B4GALNT3: variants seen among roughly 807,000 people sequenced by gnomAD.
B4GALNT3 encodes the protein beta-1,4-N-acetylgalactosaminyltransferase 3.
Under a neutral mutation model 120.2 loss-of-function variants are expected in B4GALNT3, and 86 were observed. The ratio of observed to expected loss-of-function variants is 0.72; its 90% CI spans 0.60 to 0.86. B4GALNT3 has a LOEUF of 0.86. Among genes scored for constraint, B4GALNT3 ranks in the 40% least tolerant of loss-of-function variants. The pLI, the probability that B4GALNT3 is intolerant of heterozygous loss-of-function variation, is 0.00. For missense variants in B4GALNT3, 1,167 were observed against 1,298.9 expected, an observed-to-expected ratio of 0.90 and a Z score of 1.56; for synonymous variants, 518 against 510.4, an observed-to-expected ratio of 1.01 and a Z score of -0.20.
chr12:549,207 C>G (rs953520383), intron 9 of B4GALNT3, among the ~76,000 whole-genome samples: 1 of 152,128 alleles, frequency 6.6e-6, no homozygotes, highest in African/African-American at 2.4e-5. Context: ...CCCCCCACCC[C>G]CCTTCTCTGT....
At chr12:507,974 T>C (rs1446730238) in intron 1 of B4GALNT3, among the ~76,000 whole-genome samples, 1 of 152,172 alleles carries the variant, frequency 6.6e-6, no homozygotes, top group African/African-American at 2.4e-5. Flanking sequence ...GGAAATCCAG[T>C]AGTAGCTTGG....
rs766154803 is a variant in B4GALNT3 at position 558,549 on chromosome 12, C to T, written c.2649C>T (p.His883=). 9 of 1,614,184 alleles carry T rather than the reference C, an allele frequency of 5.6e-6. No homozygotes were observed. Among genetic ancestry groups the T allele is most frequent in the Non-Finnish European group, 6.8e-6 (8 of 1,180,004 alleles). ...TCTTCCTCTGTGACCTCCACATCCA[C>T]TTCCCAGCTGGAGTCATCGATGCCA... ...SIIFLCDLHI[H]FPAGVIDAIR... The change falls in exon 18 of 20, where the codon CAC becomes CAT. Residue 883 remains histidine, a synonymous_variant. Coordinates refer to ENST00000266383, the MANE Select transcript of B4GALNT3 (RefSeq NM_173593.4).
chr12:509,621 A>AG (rs1356653533), intron 1 of B4GALNT3, among the ~76,000 whole-genome samples: 1 of 152,158 alleles, frequency 6.6e-6, no homozygotes, highest in Admixed American at 6.5e-5. Context: ...ATGCCTGGGT[A>AG]GGGGGGTGGC....
intron 10 of B4GALNT3, 40 bp downstream of exon 10, chr12:549,952 A>C: frequency 1.9e-6 from 3 of 1,566,266 alleles, no homozygotes; most frequent in Non-Finnish European, 2.6e-6. Context: ...TTCTGGGGAC[A>C]CTGCACTGCC....
intron 19 of B4GALNT3, among the ~76,000 whole-genome samples, chr12:560,638 T>C (rs571029348): frequency 2.6e-5 from 4 of 152,124 alleles, no homozygotes; most frequent in Non-Finnish European, 5.9e-5. Flanking sequence ...GGGTCTGAGA[T>C]CAAAGGAGCC....
At chr12:515,871 C>T (rs560715945) in intron 1 of B4GALNT3, among the ~76,000 whole-genome samples, 38 of 152,246 alleles carry the variant, frequency 2.5e-4, no homozygotes, top group African/African-American at 8.2e-4. Context: ...GGCACAGTGG[C>T]TCATGCCTGT....
Position 550,797 on chromosome 12 carries a change from C to A in B4GALNT3, c.998-125C>A. 1.3e-6 allele frequency: 1 copy of A among 762,120 alleles called. No individual in the cohort carries two copies. Among genetic ancestry groups the A allele is most frequent in the Non-Finnish European group, 2.1e-6 (1 of 470,886 alleles). The allele number at this position is 762,120 out of a possible 1,614,324, so 47.2% of individuals were successfully genotyped here. On this transcript the variant is annotated intron_variant, in intron 10 of 19. Transcript: ENST00000266383. This position sits in a 1 kb window ranked among gnomAD's most constrained non-coding sequence, Gnocchi z 4.1. ...GCAGCCTCCAGCTGGCAGCCTCAGC[C>A]ACAGACGTCGGCAGAACACAGCTGC...
At chr12:474,589 TAGG>T (rs1447379942) in intron 1 of B4GALNT3, among the ~76,000 whole-genome samples, 2 of 151,916 alleles carry the variant, frequency 1.3e-5, no homozygotes, top group African/African-American at 4.8e-5. Flanking sequence ...GAGACTAAGG[TAGG>T]AGGATGGCTT....
chr12:502,654 G>A (rs1208601675), intron 1 of B4GALNT3, among the ~76,000 whole-genome samples: 2 of 152,234 alleles, frequency 1.3e-5, no homozygotes, highest in Non-Finnish European at 2.9e-5. Flanking sequence ...GCAGTGAGTG[G>A]TGTTCTTAGC....
chr12:520,835 C>T (rs1388888741), intron 1 of B4GALNT3, among the ~76,000 whole-genome samples: 1 of 152,236 alleles, frequency 6.6e-6, no homozygotes, highest in African/African-American at 2.4e-5. Flanking sequence ...CTTTCAAAGG[C>T]TCTGACTGTT....
Position 460,498 on chromosome 12 carries a change from T to C in B4GALNT3, c.122T>C (p.Leu41Pro). 1 of 1,584,532 alleles carries C rather than the reference T, an allele frequency of 6.3e-7. No homozygotes were observed. Among genetic ancestry groups the C allele is most frequent in the South Asian group, 1.1e-5 (1 of 87,156 alleles). Reference protein sequence around the residue: ...VVSVGLWTLYLELVASAQVGG... With the variant: ...VVSVGLWTLYPELVASAQVGG... Reference sequence around the variant, plus strand: ...TCTGTGGGGCTCTGGACTCTGTATCTGGAACTGGTGGCGTCGGCCCAGGTC... The same window carrying C: ...TCTGTGGGGCTCTGGACTCTGTATCCGGAACTGGTGGCGTCGGCCCAGGTC... Residue 41 changes from leucine to proline, a missense_variant, in exon 1 of 20, where the codon CTG becomes CCG. Around this residue, in one of 3 missense-constraint regions of B4GALNT3, gnomAD observed 171 missense variants for 161.3 expected, o/e 1.06. Transcript: ENST00000266383. The surrounding 1 kb of genome is among the most constrained non-coding windows in gnomAD (Gnocchi z 8.0).
Position 556,698 on chromosome 12 carries a change from G to A in B4GALNT3, c.2212G>A (p.Asp738Asn), listed in dbSNP as rs923034780. The change falls in exon 15 of 20, where the codon GAT becomes AAT. Residue 738 changes from aspartate to asparagine, a missense_variant. Asp to Asn is a conservative substitution (Grantham distance 23). Around this residue, in one of 3 missense-constraint regions of B4GALNT3, gnomAD observed 983 missense variants for 1,102.5 expected, o/e 0.89. Coordinates refer to ENST00000266383, the MANE Select transcript of B4GALNT3 (RefSeq NM_173593.4). Reference protein sequence around the residue: ...YVSARGWQGIDPAGGEEVEAR... With the variant: ...YVSARGWQGINPAGGEEVEAR... ...GTCTGCACGAGGCTGGCAGGGCATC[G>A]ATCCAGCTGGTGGGGAGGAGGTCGA... 14 of 1,613,756 alleles carry A rather than the reference G, an allele frequency of 8.7e-6. No homozygotes were observed. The highest frequency in any genetic ancestry group is 5.0e-5 in the Admixed American group (3 of 60,000).
In B4GALNT3 at chr12:499,667, A is replaced by AGAACACT. The variant is rs11280541; in HGVS notation, c.170-35499_170-35498insGAACACT. On this transcript the variant is annotated intron_variant, in intron 1 of 19. Transcript: ENST00000266383. Reference sequence around the variant, plus strand: ...CGTGGAGCCCGTGCTCTCACTATCTACTAGCCCGTGGAGCCCGTGCTCTCA... The same window carrying AGAACACT: ...CGTGGAGCCCGTGCTCTCACTATCTAGAACACTCTAGCCCGTGGAGCCCGTGCTCTCA... 6.1e-4 allele frequency among the ~76,000 whole-genome samples: 49 copies of AGAACACT among 79,714 alleles called. 5 individuals are homozygous for AGAACACT. The highest frequency in any genetic ancestry group is 3.0e-3 in the Admixed American group (17 of 5,686). 52.3% of individuals were successfully genotyped at this position (79,714 alleles called of 152,430 possible). A position where few individuals can be genotyped will look rare whatever the true frequency, so the allele number is the denominator to read the frequency against.
At chr12:531,744 C>G (rs1946810207) in intron 1 of B4GALNT3, among the ~76,000 whole-genome samples, 1 of 152,084 alleles carries the variant, frequency 6.6e-6, no homozygotes, top group South Asian at 2.1e-4. Context: ...CTCCCAAATC[C>G]AAAACCTCAA....
At chr12:496,607 TAAAA>T (rs1385459923) in intron 1 of B4GALNT3, among the ~76,000 whole-genome samples, 1 of 151,830 alleles carries the variant, frequency 6.6e-6, no homozygotes, top group Non-Finnish European at 1.5e-5. Context: ...TCAAAAAAAA[TAAAA>T]AAATAAAGTG....
rs1014454928 is a variant in B4GALNT3, at chr12:543,145, G to A, written c.352-1194G>A. 3.1e-6 allele frequency: 4 copies of A among 1,289,518 alleles called. No homozygotes were observed. The African/African-American group carries it at 6.1e-5, about 20-fold the overall frequency. The allele number at this position is 1,289,518 out of a possible 1,614,324, so 79.9% of individuals were successfully genotyped here. A position where few individuals can be genotyped will look rare whatever the true frequency, so the allele number is the denominator to read the frequency against. ...GTCCAGGGAGAGTATGTGTGTGTGT[G>A]TGCATGGCCAGAGCAGACCTTGTCC... On this transcript the variant is annotated intron_variant, in intron 3 of 19. Coordinates refer to ENST00000266383, the MANE Select transcript of B4GALNT3 (RefSeq NM_173593.4).
chr12:547,102 C>G (rs1947017245), intron 7 of B4GALNT3, among the ~76,000 whole-genome samples: 1 of 152,176 alleles, frequency 6.6e-6, no homozygotes, highest in Non-Finnish European at 1.5e-5. Context: ...GAGCGTAGCG[C>G]GGCCTCAGAG....
intron 1 of B4GALNT3, among the ~76,000 whole-genome samples, chr12:498,519 TCCACAC>T (rs1466479975): frequency 2.0e-5 from 3 of 151,426 alleles, no homozygotes; most frequent in African/African-American, 7.3e-5. Context: ...CTGTGTGTTG[TCCACAC>T]CCACATTGCT....
At chr12:469,791 G>A (rs940392846) in intron 1 of B4GALNT3, among the ~76,000 whole-genome samples, 1 of 152,024 alleles carries the variant, frequency 6.6e-6, no homozygotes, top group African/African-American at 2.4e-5. Flanking sequence ...GGAACACCTG[G>A]CAGTTATCTC....
Sources: gnomAD v4.1 joint callset for allele counts (sites outside exome capture counted in the v4.1 genomes callset) on GRCh38, gnomAD v4.1.1 for gene constraint, gnomAD v4.1.1 regional missense constraint, Gnocchi (gnomAD v3.1) non-coding constraint, MANE v1.5 for transcripts, NCBI Gene and HGNC (gene_info 2026-07-23, HGNC 2026-07-21) for gene names.